NSD1: variants seen among roughly 807,000 people sequenced by gnomAD.
The protein encoded by NSD1 is nuclear receptor binding SET domain protein 1.
A neutral mutation model predicts 242.7 loss-of-function variants in NSD1; 26 were observed. That is an observed-to-expected ratio of 0.11 (90% confidence interval 0.08 to 0.15). The LOEUF (loss-of-function observed/expected upper bound fraction) is 0.15, where lower values mean the gene tolerates loss of function less well. NSD1 is among the 10% of genes least tolerant of loss of function. The pLI is 1.00. For missense variants in NSD1, 2,495 were observed against 3,272.8 expected (o/e 0.76, Z 5.80); for synonymous variants, 1,106 against 1,178.1 (o/e 0.94, Z 1.25).
intron 20 of NSD1, among the ~76,000 whole-genome samples, chr5:177,285,687 TATACTC>T (rs934101954): frequency 4.6e-5 from 7 of 152,160 alleles, no homozygotes; most frequent in African/African-American, 1.2e-4. Context: ...ATCAGCCTCT[TATACTC>T]AAACTGGGAT....
chr5:177,184,249 A>C (rs1014410461), intron 2 of NSD1, among the ~76,000 whole-genome samples: 1 of 152,200 alleles, frequency 6.6e-6, no homozygotes, highest in South Asian at 2.1e-4. Flanking sequence ...CCTACCAACA[A>C]CGTATGAGGG....
chr5:177,160,143 C>T (rs373358988), intron 2 of NSD1, among the ~76,000 whole-genome samples: 4 of 151,224 alleles, frequency 2.6e-5, no homozygotes, highest in East Asian at 2.0e-4. Context: ...TGCCTGCCTC[C>T]GCCTTCCCAA....
At chr5:177,288,593 AAG>A in intron 20 of NSD1, 2 of 486,290 alleles carry the variant, frequency 4.1e-6, no homozygotes, top group East Asian at 7.2e-5. Context: ...CCTCTGGAGG[AAG>A]AGTTATCTTA....
intron 5 of NSD1, among the ~76,000 whole-genome samples, chr5:177,231,230 C>T (rs765965977): frequency 3.9e-5 from 6 of 152,072 alleles, no homozygotes; most frequent in South Asian, 2.1e-4. Context: ...GGACTACAGG[C>T]GCGTGCCACC....
intron 2 of NSD1, among the ~76,000 whole-genome samples, chr5:177,169,090 C>T (rs1308190374): frequency 6.6e-6 from 1 of 152,160 alleles, no homozygotes; most frequent in Non-Finnish European, 1.5e-5. Context: ...GAGAATACTT[C>T]TCAGCTGCAG....
chr5:177,210,350 C>T lies in NSD1; in HGVS notation c.1951C>T (p.Pro651Ser), dbSNP rs765550140. 2.5e-5 allele frequency: 40 copies of T among 1,613,956 alleles called. No homozygotes were observed. Among genetic ancestry groups the T allele is most frequent in the Non-Finnish European group, 3.1e-5 (37 of 1,180,026 alleles). ...TGATGATGGAAGCAGTGACCTGGAT[C>T]CCATAGAACACAGCTCAGAGTCTGA... ...TSDDGSSDLD[P>S]IEHSSESDNS... The change falls in exon 5 of 23, where the codon CCC becomes TCC. Residue 651 changes from proline (P) to serine (S), a missense_variant. By Grantham distance (74) the Pro-to-Ser change is moderately conservative. Around this residue, in one of 19 missense-constraint regions of NSD1, gnomAD observed 515 missense variants for 467.0 expected, o/e 1.10. Transcript: ENST00000439151.
At position 177,299,227 on chromosome 5, in the gene NSD1, C is replaced by T. The variant is rs1760437774; in HGVS notation, c.*3768C>T. The T allele has an allele frequency of 1.3e-5, 3 of 233,312 alleles. No homozygotes were observed. The highest frequency in any genetic ancestry group is 5.6e-5 in the Admixed American group (1 of 17,792). The allele number at this position is 233,312 out of a possible 1,614,324, so 14.5% of individuals were successfully genotyped here. A position where few individuals can be genotyped will look rare whatever the true frequency, so the allele number is the denominator to read the frequency against. On this transcript the variant is annotated 3_prime_UTR_variant, in exon 23 of 23. Transcript: ENST00000439151. ...GCTAATTTCACGGTATAAATAAGCACTGCCAAGGGTTGAGGGACTGGCAGC... is the reference window on the plus strand; with the variant it reads ...GCTAATTTCACGGTATAAATAAGCATTGCCAAGGGTTGAGGGACTGGCAGC...
At position 177,235,827 on chromosome 5, in the gene NSD1, G is replaced by A. The variant is rs368706736; in HGVS notation, c.3803G>A (p.Arg1268Gln). The A allele has an allele frequency of 6.8e-5, 109 of 1,613,740 alleles. No homozygotes were observed. The highest frequency in any genetic ancestry group is 1.3e-4 in the Admixed American group (8 of 59,954). ...PQAELPEPAV[R>Q]SEKKRLRKPS... ...TTTGTTTATCATCTTTTAGCTGTGC[G>A]GTCAGAGAAGAAACGCCTTAGGAAG... The change falls in exon 6 of 23, where the codon CGG becomes CAG. Residue 1268 changes from arginine (R) to glutamine (Q), a missense_variant. This residue lies in a region of NSD1 where 426 missense variants were observed against 411.4 expected (regional missense o/e 1.04). Transcript: ENST00000439151.
chr5:177,263,816 A>G lies in NSD1; in HGVS notation c.5146+3648A>G, dbSNP rs570289292. On this transcript the variant is annotated intron_variant, in intron 14 of 22. Coordinates refer to ENST00000439151, the MANE Select transcript of NSD1 (RefSeq NM_022455.5). Reference sequence around the variant, plus strand: ...CTTGAAAATGAACAACTGTGAGCCTATCAATTCAAGAAAAAGAACTGCAAA... The same window carrying G: ...CTTGAAAATGAACAACTGTGAGCCTGTCAATTCAAGAAAAAGAACTGCAAA... 1.1e-4 allele frequency among the ~76,000 whole-genome samples: 17 copies of G among 152,258 alleles called. 1 individual carries two copies. The South Asian group carries it at 3.5e-3, about 32-fold the overall frequency.
chr5:177,158,998 T>TTATATATATATATATATATATGAATGA (rs1758465189), intron 2 of NSD1, among the ~76,000 whole-genome samples: 1 of 122,612 alleles, frequency 8.2e-6, no homozygotes, highest in African/African-American at 3.8e-5. Context: ...ATGAATGATT[T>TTATATATATATATATATATATGAATGA]TATATATATA....
At chr5:177,163,406 G>C (rs1307845984) in intron 2 of NSD1, among the ~76,000 whole-genome samples, 1 of 152,124 alleles carries the variant, frequency 6.6e-6, no homozygotes, top group Non-Finnish European at 1.5e-5. Context: ...CTCCCAAAGT[G>C]CTGGGATTAC....
At chr5:177,153,329 A>C (rs907110221) in intron 2 of NSD1, among the ~76,000 whole-genome samples, 1 of 151,908 alleles carries the variant, frequency 6.6e-6, no homozygotes, top group Non-Finnish European at 1.5e-5. Flanking sequence ...ACCATTTTAC[A>C]CACAGTTCTA....
chr5:177,159,001 TATA>T (rs1758471998), intron 2 of NSD1, among the ~76,000 whole-genome samples: 1 of 22,106 alleles, frequency 4.5e-5, no homozygotes, highest in Non-Finnish European at 9.9e-5. Context: ...AATGATTTTA[TATA>T]TATATATATA....
At chr5:177,173,554 A>G (rs1216237990) in intron 2 of NSD1, among the ~76,000 whole-genome samples, 1 of 143,028 alleles carries the variant, frequency 7.0e-6, no homozygotes, top group African/African-American at 2.7e-5. Flanking sequence ...GCTCACCGCA[A>G]CCTCTGCCTT....
chr5:177,221,812 G>GT (rs2149865477), intron 5 of NSD1, among the ~76,000 whole-genome samples: 2 of 149,900 alleles, frequency 1.3e-5, no homozygotes, highest in East Asian at 4.0e-4. Flanking sequence ...TGTTGTTTTT[G>GT]TTTTTTCTTT....
At position 177,210,641 on chromosome 5, in the gene NSD1, A is replaced by G. The variant is rs587784083; in HGVS notation, c.2242A>G (p.Asn748Asp). ...LVHKPQSDFTNDALSPKFNLS... is the reference protein window; with the variant it reads ...LVHKPQSDFTDDALSPKFNLS... ...TCACAAACCCCAGTCAGATTTTACA[A>G]ATGATGCTCTCTCTCCAAAATTCAA... The change falls in exon 5 of 23, where the codon AAT (asparagine) becomes GAT (aspartate). Residue 748 changes from asparagine to aspartate, a missense_variant. Coordinates refer to ENST00000439151, the MANE Select transcript of NSD1 (RefSeq NM_022455.5). 1.2e-6 allele frequency: 2 copies of G among 1,614,152 alleles called. No homozygotes were observed. The highest frequency in any genetic ancestry group is 1.7e-6 in the Non-Finnish European group (2 of 1,180,028).
At chr5:177,213,954 T>C (rs1763564783) in intron 5 of NSD1, among the ~76,000 whole-genome samples, 1 of 152,166 alleles carries the variant, frequency 6.6e-6, no homozygotes, top group Non-Finnish European at 1.5e-5. Flanking sequence ...TTAAAAAGCA[T>C]GTAACCTAAA....
In NSD1 at chr5:177,157,858, T is replaced by C. The variant is rs116536964; in HGVS notation, c.927+21828T>C. Among the ~76,000 whole-genome samples, 646 of 152,378 alleles carry C rather than the reference T, an allele frequency of 4.2e-3. 3 individuals carry two copies. The highest frequency in any genetic ancestry group is 0.014 in the African/African-American group (590 of 41,596). On this transcript the variant is annotated intron_variant, in intron 2 of 22. Coordinates refer to ENST00000439151, the MANE Select transcript of NSD1 (RefSeq NM_022455.5). ...GTTTCATACAAATACAGTCATATAA[T>C]TTGTGGCCTTTCGTGTCTGACTTGT... is the stretch of plus-strand genomic sequence containing the variant.
At chr5:177,240,439 C>T (rs192420120) in intron 8 of NSD1, among the ~76,000 whole-genome samples, 4 of 152,084 alleles carry the variant, frequency 2.6e-5, no homozygotes, top group Admixed American at 2.0e-4. Context: ...GGTGGCCGGG[C>T]GCAGTGGCTC....
Sources: allele counts gnomAD v4.1 joint callset (sites outside exome capture counted in the v4.1 genomes callset), GRCh38; gene constraint gnomAD v4.1.1; regional missense constraint gnomAD v4.1.1; transcripts MANE v1.5; gene names NCBI Gene and HGNC (gene_info 2026-07-23, HGNC 2026-07-21).